FAM135A: variants seen among roughly 807,000 people sequenced by gnomAD.
FAM135A encodes family with sequence similarity 135 member A.
A neutral mutation model predicts 146.8 loss-of-function variants in FAM135A; 79 were observed. That is an observed-to-expected ratio of 0.54 (90% CI 0.45 to 0.65). The LOEUF (loss-of-function observed/expected upper bound fraction) is 0.65, where lower values mean the gene tolerates loss of function less well. Among genes scored for constraint, FAM135A ranks in the 30% least tolerant of loss-of-function variants. The pLI is 0.00. For synonymous variants in FAM135A, 562 were observed against 603.6 expected, an observed-to-expected ratio of 0.93 and a Z score of 1.01; for missense variants, 1,623 against 1,758.2, an observed-to-expected ratio of 0.92 and a Z score of 1.38.
rs1308215161 is a variant in FAM135A, at chr6:70,526,246, A to T, written c.3162A>T (p.Thr1054=). The change falls in exon 15 of 22, where the codon ACA becomes ACT. Residue 1054 remains threonine (T), a synonymous_variant. Transcript: ENST00000418814. ...GSQSSTDISD[T]CAVSYSNALS... Reference sequence around the variant, plus strand: ...AAAGCAGTACGGATATTTCTGACACATGTGCTGTTAGCTACAGCAATGCAC... The same window carrying T: ...AAAGCAGTACGGATATTTCTGACACTTGTGCTGTTAGCTACAGCAATGCAC... 1 of 1,613,578 alleles carries T rather than the reference A, an allele frequency of 6.2e-7. No individual in the cohort carries two copies.
At chr6:70,532,773 A>G (rs186854292) in intron 16 of FAM135A, among the ~76,000 whole-genome samples, 4 of 152,308 alleles carry the variant, frequency 2.6e-5, no homozygotes, top group East Asian at 3.9e-4. Flanking sequence ...TCTACTAAAA[A>G]TACAAAATAT....
At position 70,526,179 on chromosome 6, in the gene FAM135A, A is replaced by G; in HGVS notation, c.3095A>G (p.Asp1032Gly). 1.2e-6 allele frequency: 2 copies of G among 1,613,498 alleles called. No homozygotes were observed. Among genetic ancestry groups the G allele is most frequent in the Non-Finnish European group, 1.7e-6 (2 of 1,179,652 alleles). The change falls in exon 15 of 22, where the codon GAT (aspartate) becomes GGT (glycine). Residue 1032 changes from aspartate to glycine, a missense_variant. By Grantham distance (94) the Asp-to-Gly change is moderately conservative. This residue lies in a region of FAM135A where 1,061 missense variants were observed against 1,113.8 expected (regional missense o/e 0.95). Coordinates refer to ENST00000418814, the MANE Select transcript of FAM135A (RefSeq NM_001162529.3). ...GTSDPFSAST[D>G]IVKQGLVENY... ...AGTGATCCTTTTTCAGCCAGTACTG[A>G]TATAGTAAAGCAAGGGCTTGTGGAA...
At chr6:70,493,175 C>A (rs1786419314) in intron 11 of FAM135A, among the ~76,000 whole-genome samples, 1 of 151,460 alleles carries the variant, frequency 6.6e-6, no homozygotes, top group Non-Finnish European at 1.5e-5. Flanking sequence ...GAAAACTCTT[C>A]AAGATATATT....
intron 8 of FAM135A, 54 bp downstream of exon 8, chr6:70,477,386 A>G (rs927670894): frequency 1.3e-5 from 20 of 1,556,394 alleles, no homozygotes; most frequent in Non-Finnish European, 1.8e-5. Flanking sequence ...CAATAAAGAA[A>G]TACCTGAGAC....
At chr6:70,482,590 C>T (rs999211476) in intron 10 of FAM135A, among the ~76,000 whole-genome samples, 1 of 151,938 alleles carries the variant, frequency 6.6e-6, no homozygotes, top group Non-Finnish European at 1.5e-5. Flanking sequence ...TCTCAAATTC[C>T]TTTTATATTG....
intron 13 of FAM135A, 72 bp downstream of exon 13, chr6:70,522,658 C>T: frequency 8.2e-7 from 1 of 1,217,960 alleles, no homozygotes; most frequent in Non-Finnish European, 1.2e-6. Context: ...CAGAATTTAT[C>T]AGTGACAGAA....
chr6:70,469,341 T>C (rs1781113009), intron 5 of FAM135A, among the ~76,000 whole-genome samples: 1 of 152,216 alleles, frequency 6.6e-6, no homozygotes, highest in Admixed American at 6.5e-5. Flanking sequence ...TGAAGTTTAT[T>C]ATATGTAAGT....
intron 3 of FAM135A, among the ~76,000 whole-genome samples, chr6:70,427,011 C>T (rs1562395549): frequency 6.6e-6 from 1 of 152,208 alleles, no homozygotes; most frequent in Non-Finnish European, 1.5e-5. Flanking sequence ...GCTTGTGAGA[C>T]GTGTAGAAAC....
intron 1 of FAM135A, among the ~76,000 whole-genome samples, chr6:70,414,257 C>G (rs1487389642): frequency 6.6e-6 from 1 of 152,070 alleles, no homozygotes; most frequent in Non-Finnish European, 1.5e-5. Flanking sequence ...TTTTATTTTC[C>G]TCTCATCCAC....
intron 4 of FAM135A, among the ~76,000 whole-genome samples, chr6:70,449,191 A>T (rs1285869347): frequency 1.3e-5 from 2 of 152,044 alleles, no homozygotes; most frequent in African/African-American, 4.8e-5. Flanking sequence ...TAATGTTTGG[A>T]TGTATGTATT....
chr6:70,506,526 GTTGGGCCAGAT>G lies in FAM135A; in HGVS notation c.1029+3740_1029+3750del, dbSNP rs1789799086. ...TAAAGTTTTATTTACAAAAACAGGT[GTTGGGCCAGAT>G]TTGGTTCTCAGGCTGTAGTTTGCCA... On this transcript the variant is annotated intron_variant, in intron 12 of 21. Transcript: ENST00000418814. Among the ~76,000 whole-genome samples, 3 of 152,164 alleles carry G rather than the reference GTTGGGCCAGAT, an allele frequency of 2.0e-5. No homozygotes were observed. The South Asian group carries it at 6.2e-4, about 32-fold the overall frequency.
chr6:70,533,062 G>C (rs1010359637), intron 16 of FAM135A, 98 bp from the exon 17 acceptor site: 2 of 884,016 alleles, frequency 2.3e-6, no homozygotes, highest in African/African-American at 3.3e-5. Context: ...AATGGCATAG[G>C]CCATAAGCTT....
chr6:70,467,086 C>G (rs533167605), intron 5 of FAM135A, among the ~76,000 whole-genome samples: 36 of 152,184 alleles, frequency 2.4e-4, no homozygotes, highest in African/African-American at 7.0e-4. Context: ...AAATAGTTAA[C>G]TTGTTGAGAA....
chr6:70,501,447 C>T (rs758306815), intron 11 of FAM135A, among the ~76,000 whole-genome samples: 16 of 152,264 alleles, frequency 1.1e-4, no homozygotes, highest in Non-Finnish European at 1.8e-4. Context: ...GAGAGGGACC[C>T]GCTGAGAGAG....
chr6:70,425,140 G>A (rs79128960), intron 2 of FAM135A, among the ~76,000 whole-genome samples: 18,234 of 149,798 alleles, frequency 0.12, 1,390 homozygotes, highest in Middle Eastern at 0.19. Context: ...CACACACACA[G>A]AGTATACCTC....
intron 20 of FAM135A, among the ~76,000 whole-genome samples, chr6:70,544,181 A>C (rs1200215479): frequency 6.6e-6 from 1 of 151,772 alleles, no homozygotes; most frequent in Non-Finnish European, 1.5e-5. Context: ...GCGGTAGCTC[A>C]CACCTGTAAT....
At chr6:70,482,347 T>C (rs1783888091) in intron 10 of FAM135A, among the ~76,000 whole-genome samples, 193 bp downstream of exon 10, 1 of 152,004 alleles carries the variant, frequency 6.6e-6, no homozygotes, top group African/African-American at 2.4e-5. Context: ...TTCAGAATAC[T>C]AAAAAATAAC....
intron 4 of FAM135A, among the ~76,000 whole-genome samples, chr6:70,430,058 C>T (rs567193279): frequency 2.4e-4 from 36 of 152,150 alleles, no homozygotes; most frequent in Admixed American, 1.6e-3. Flanking sequence ...AGCAGAAGGC[C>T]GGGTGCGGTG....
Position 70,524,504 on chromosome 6 carries a change from A to G in FAM135A, c.1420A>G (p.Lys474Glu), listed in dbSNP as rs1794282043. ...CAGTATTTGGTATACAGAAGGTGAA[A>G]AGCAGCTAACAAAATCTCTAAAAGG... ...ASSIWYTEGE[K>E]QLTKSLKGKN... Residue 474 changes from lysine to glutamate, a missense_variant, in exon 15 of 22, where the codon AAG (lysine) becomes GAG (glutamate). By Grantham distance (56) the Lys-to-Glu change is moderately conservative. This residue lies in a region of FAM135A where 1,061 missense variants were observed against 1,113.8 expected (regional missense o/e 0.95). Coordinates refer to ENST00000418814, the MANE Select transcript of FAM135A (RefSeq NM_001162529.3). 1 of 1,551,320 alleles carries G rather than the reference A, an allele frequency of 6.4e-7. No homozygotes were observed.
Sources: allele counts gnomAD v4.1 joint callset (sites outside exome capture counted in the v4.1 genomes callset), GRCh38; gene constraint gnomAD v4.1.1; regional missense constraint gnomAD v4.1.1; transcripts MANE v1.5; gene names NCBI Gene and HGNC (gene_info 2026-07-23, HGNC 2026-07-21).